The following SAMD12 variants were observed in gnomAD, a reference collection of about 807,000 sequenced individuals.
SAMD12 encodes the protein sterile alpha motif domain containing 12.
In SAMD12, 9 loss-of-function variants were observed where a neutral mutation model predicts 15.0. That is an observed-to-expected ratio of 0.60 (90% CI 0.36 to 1.05). SAMD12 has a LOEUF of 1.05. SAMD12 is among the 50% of genes least tolerant of loss of function. SAMD12 has a pLI of 0.01. For synonymous variants in SAMD12, 86 were observed against 90.1 expected (o/e 0.96, Z 0.25); for missense variants, 230 against 234.2 (o/e 0.98, Z 0.12).
At chr8:118,143,762 A>G in the SAMD12 span, among the ~76,000 whole-genome samples, 1 of 152,184 alleles carries the variant, frequency 6.6e-6, no homozygotes, top group African/African-American at 2.4e-5. Flanking sequence ...AGAAAATGAG[A>G]CAATATCCTA....
At chr8:118,554,307 G>C (rs1357624764) in intron 2 of SAMD12, among the ~76,000 whole-genome samples, 1 of 152,054 alleles carries the variant, frequency 6.6e-6, no homozygotes, top group Non-Finnish European at 1.5e-5. Context: ...TGATAGAATG[G>C]ATTAAGAAAA....
intron 1 of SAMD12, among the ~76,000 whole-genome samples, chr8:118,619,056 G>A (rs1828321069): frequency 2.0e-5 from 3 of 152,112 alleles, no homozygotes; most frequent in Non-Finnish European, 4.4e-5. Flanking sequence ...CTCGTTATAC[G>A]GGATGGCCAT....
At chr8:118,184,779 G>A (rs529163682), downstream of SAMD12, among the ~76,000 whole-genome samples, 7 of 152,248 alleles carry the variant, frequency 4.6e-5, no homozygotes, top group South Asian at 8.3e-4. Context: ...TTACAGGCAT[G>A]AGCCTGCTAA....
At chr8:118,463,310 C>T (rs1471476333) in intron 2 of SAMD12, among the ~76,000 whole-genome samples, 2 of 151,968 alleles carry the variant, frequency 1.3e-5, no homozygotes, top group Non-Finnish European at 2.9e-5. Context: ...AGCATAGCTG[C>T]TAGGCGCATG....
chr8:118,477,098 C>T (rs1823982544), intron 2 of SAMD12, among the ~76,000 whole-genome samples: 1 of 148,476 alleles, frequency 6.7e-6, no homozygotes, highest in African/African-American at 2.5e-5. Context: ...TGGAGTCTTG[C>T]TCTGTTGCTC....
intron 2 of SAMD12, among the ~76,000 whole-genome samples, chr8:118,553,487 A>C (rs2131189146): frequency 6.6e-6 from 1 of 152,346 alleles, no homozygotes; most frequent in Admixed American, 6.5e-5. Context: ...ATATGTAGAA[A>C]GCTGAAACTG....
chr8:118,268,966 C>G (rs1049547484), intron 4 of SAMD12, among the ~76,000 whole-genome samples: 1 of 152,070 alleles, frequency 6.6e-6, no homozygotes, highest in Admixed American at 6.6e-5. Context: ...CAGCCACCAA[C>G]CCGAGTGTGA....
intron 3 of SAMD12, among the ~76,000 whole-genome samples, chr8:118,386,813 T>C (rs909886097): frequency 3.9e-5 from 6 of 152,176 alleles, no homozygotes; most frequent in African/African-American, 1.4e-4. Flanking sequence ...TGACTGCATG[T>C]CATAAGGCAT....
chr8:118,249,515 C>T (rs1357326508), intron 4 of SAMD12, among the ~76,000 whole-genome samples: 2 of 152,132 alleles, frequency 1.3e-5, no homozygotes, highest in East Asian at 1.9e-4. Context: ...AGATGCAGAA[C>T]CCACGGATTT....
At chr8:118,497,739 G>GGGGGGGA (rs1824665092) in intron 2 of SAMD12, among the ~76,000 whole-genome samples, 6 of 58,240 alleles carry the variant, frequency 1.0e-4, no homozygotes, top group African/African-American at 3.9e-4. Flanking sequence ...GGGGTGGGGG[G>GGGGGGGA]AAAGAAAAAA....
chr8:118,491,760 AT>A (rs1209104965), intron 2 of SAMD12, among the ~76,000 whole-genome samples: 1 of 152,186 alleles, frequency 6.6e-6, no homozygotes, highest in Non-Finnish European at 1.5e-5. Flanking sequence ...AATCAATCAT[AT>A]TGTTGTATAT....
chr8:118,251,003 T>C (rs1031531796), intron 4 of SAMD12, among the ~76,000 whole-genome samples: 1 of 152,114 alleles, frequency 6.6e-6, no homozygotes, highest in Non-Finnish European at 1.5e-5. Flanking sequence ...ATTACTGCCA[T>C]TTAAAATGCA....
chr8:118,616,324 AT>A (rs1828238417), intron 1 of SAMD12, among the ~76,000 whole-genome samples: 2 of 152,188 alleles, frequency 1.3e-5, no homozygotes, highest in African/African-American at 2.4e-5. Context: ...CCATTCCTTC[AT>A]TTGTCTCCAT....
chr8:118,186,824 G>A (rs1237352563), downstream of SAMD12, among the ~76,000 whole-genome samples: 1 of 152,142 alleles, frequency 6.6e-6, no homozygotes, highest in Non-Finnish European at 1.5e-5. Flanking sequence ...TCCTGAGAGA[G>A]AGAGAAGAGT....
intron 2 of SAMD12, among the ~76,000 whole-genome samples, chr8:118,443,604 T>C (rs552422757): frequency 6.6e-6 from 1 of 152,348 alleles, no homozygotes; most frequent in East Asian, 1.9e-4. Flanking sequence ...AATAAAAGTA[T>C]TGATACCATT....
chr8:118,313,632 A>G (rs996621225), intron 4 of SAMD12, among the ~76,000 whole-genome samples: 1 of 152,114 alleles, frequency 6.6e-6, no homozygotes, highest in Non-Finnish European at 1.5e-5. Flanking sequence ...AGACTAAAAA[A>G]AGCAATATGG....
intron 2 of SAMD12, among the ~76,000 whole-genome samples, chr8:118,549,278 C>A (rs967226319): frequency 2.6e-5 from 4 of 152,190 alleles, no homozygotes; most frequent in East Asian, 3.9e-4. Flanking sequence ...GGAGGCACCC[C>A]CCAAGTAGGG....
intron 4 of SAMD12, among the ~76,000 whole-genome samples, chr8:118,231,703 A>G (rs1586366919): frequency 6.6e-6 from 1 of 152,312 alleles, no homozygotes; most frequent in East Asian, 1.9e-4. Context: ...CACTGAGGAT[A>G]GAAGGATGTA....
At chr8:118,313,386 C>T (rs572236270) in intron 4 of SAMD12, among the ~76,000 whole-genome samples, 52 of 152,238 alleles carry the variant, frequency 3.4e-4, no homozygotes, top group African/African-American at 1.1e-3. Context: ...CACTTGGCCA[C>T]GTACAAAGCA....
Sources: allele counts gnomAD v4.1 joint callset (sites outside exome capture counted in the v4.1 genomes callset), GRCh38; gene constraint gnomAD v4.1.1; transcripts MANE v1.5; gene names NCBI Gene and HGNC (gene_info 2026-07-23, HGNC 2026-07-21).